Variants in GRIK2 observed in about 807,000 individuals in gnomAD.
GRIK2 encodes glutamate ionotropic receptor kainate type subunit 2, also known as glutamate receptor ionotropic, kainate 2.
A neutral mutation model predicts 100.3 loss-of-function variants in GRIK2; 32 were observed. That is an observed-to-expected ratio of 0.32 (90% CI 0.24 to 0.43). The LOEUF is 0.43. GRIK2 is among the 20% of genes least tolerant of loss of function. The pLI, the probability that GRIK2 is intolerant of heterozygous loss-of-function variation, is 1.00. For synonymous variants in GRIK2, 417 were observed against 389.4 expected (o/e 1.07, Z -0.83); for missense variants, 843 against 1,114.9 (o/e 0.76, Z 3.47).
intron 12 of GRIK2, among the ~76,000 whole-genome samples, chr6:101,898,904 A>G (rs954917588): frequency 6.6e-6 from 1 of 151,974 alleles, no homozygotes; most frequent in African/African-American, 2.4e-5. Context: ...TATGCACTCT[A>G]TCCAAATAAT....
At chr6:102,011,771 A>G (rs1229810804) in intron 14 of GRIK2, among the ~76,000 whole-genome samples, 1 of 151,758 alleles carries the variant, frequency 6.6e-6, no homozygotes, top group African/African-American at 2.4e-5. Flanking sequence ...TATTTTTACT[A>G]GAGACGGGGT....
intron 7 of GRIK2, among the ~76,000 whole-genome samples, chr6:101,717,979 T>C (rs1395743179): frequency 6.6e-6 from 1 of 151,948 alleles, no homozygotes; most frequent in Admixed American, 6.6e-5. Context: ...TTCTTCTTAA[T>C]AATGAAAACA....
chr6:101,891,906 C>G lies in GRIK2; in HGVS notation c.1748+2043C>G, dbSNP rs1273299316. ...TGCATCTTTTTTATAGTGACAGACA[C>G]AGCCACTCTAGTTTATGTGTTCAGA... is the stretch of plus-strand genomic sequence containing the variant. On this transcript the variant is annotated intron_variant, in intron 12 of 16. Transcript: ENST00000369134. Among the ~76,000 whole-genome samples, 4 of 152,248 alleles carry G rather than the reference C, an allele frequency of 2.6e-5. No homozygotes were observed. In the East Asian group the frequency reaches 5.8e-4, roughly 22 times the overall value.
chr6:101,614,710 T>G (rs1457564794), intron 2 of GRIK2, among the ~76,000 whole-genome samples: 1 of 151,762 alleles, frequency 6.6e-6, no homozygotes, highest in African/African-American at 2.4e-5. Context: ...TAACATTTGA[T>G]GGAGAAAATC....
At position 102,064,963 on chromosome 6, in the gene GRIK2, G is replaced by A. The variant is rs531035208; in HGVS notation, c.2563-3384G>A. On this transcript the variant is annotated intron_variant, in intron 16 of 16. Transcript: ENST00000369134. ...TCTACAAATGAGAAAAGAACCTATC[G>A]TCTCACAGTAACTTTATCAATAACC... Among the ~76,000 whole-genome samples the A allele has an allele frequency of 7.3e-5, 11 of 151,178 alleles. No homozygotes were observed. The South Asian group carries it at 8.3e-4, about 11-fold the overall frequency.
intron 2 of GRIK2, chr6:101,431,002 G>T: frequency 3.8e-6 from 1 of 261,906 alleles, no homozygotes; most frequent in South Asian, 5.5e-5. Flanking sequence ...CAGAGTCCAT[G>T]ACAATACTAG....
At chr6:101,608,294 C>T (rs991427552) in intron 2 of GRIK2, among the ~76,000 whole-genome samples, 8 of 151,754 alleles carry the variant, frequency 5.3e-5, no homozygotes, top group African/African-American at 1.9e-4. Context: ...ATAAATTTAA[C>T]CATGCATTTT....
chr6:101,752,761 G>A (rs1053230156), intron 7 of GRIK2, among the ~76,000 whole-genome samples: 3 of 152,128 alleles, frequency 2.0e-5, no homozygotes, highest in Admixed American at 6.5e-5. Context: ...TGTTGTAACT[G>A]TAATAAATAT....
chr6:101,584,966 G>C (rs2128304359), intron 2 of GRIK2, among the ~76,000 whole-genome samples: 1 of 151,998 alleles, frequency 6.6e-6, no homozygotes, highest in South Asian at 2.1e-4. Context: ...ACATATAAGA[G>C]AATTCTCGTT....
At chr6:101,528,776 TTATGA>T (rs1775277926) in intron 2 of GRIK2, among the ~76,000 whole-genome samples, 1 of 152,220 alleles carries the variant, frequency 6.6e-6, no homozygotes, top group Non-Finnish European at 1.5e-5. Flanking sequence ...TGCTTCCTAA[TTATGA>T]TATGTCCAGA....
At chr6:102,022,565 A>G (rs1421197920) in intron 14 of GRIK2, among the ~76,000 whole-genome samples, 1 of 151,748 alleles carries the variant, frequency 6.6e-6, no homozygotes, top group African/African-American at 2.4e-5. Flanking sequence ...TGCAAAAGAA[A>G]TTGGATACAT....
At chr6:101,659,700 T>C (rs942443717) in intron 4 of GRIK2, among the ~76,000 whole-genome samples, 1 of 152,210 alleles carries the variant, frequency 6.6e-6, no homozygotes, top group African/African-American at 2.4e-5. Context: ...TGCTTGTCTG[T>C]AAAGGATTTT....
At chr6:101,774,627 A>G (rs912719646) in intron 7 of GRIK2, among the ~76,000 whole-genome samples, 27 of 152,186 alleles carry the variant, frequency 1.8e-4, no homozygotes, top group African/African-American at 4.8e-5. Context: ...GGTAAGAATA[A>G]TTACATTAGT....
intron 2 of GRIK2, among the ~76,000 whole-genome samples, chr6:101,561,640 A>G (rs1245902862): frequency 6.6e-6 from 1 of 152,076 alleles, no homozygotes; most frequent in Non-Finnish European, 1.5e-5. Flanking sequence ...TTATATATCA[A>G]TAAAAATACA....
chr6:101,742,400 AAG>A (rs1244818311), intron 7 of GRIK2, among the ~76,000 whole-genome samples: 1 of 152,090 alleles, frequency 6.6e-6, no homozygotes, highest in Non-Finnish European at 1.5e-5. Flanking sequence ...TGTCAACAAA[AAG>A]AGTCAGACTC....
intron 12 of GRIK2, among the ~76,000 whole-genome samples, chr6:101,920,644 G>C (rs1789427172): frequency 6.6e-6 from 1 of 151,694 alleles, no homozygotes; most frequent in African/African-American, 2.4e-5. Flanking sequence ...GATGGGTGTA[G>C]GATTTGAATA....
At chr6:101,788,373 C>A (rs1046483573) in intron 7 of GRIK2, among the ~76,000 whole-genome samples, 8 of 151,524 alleles carry the variant, frequency 5.3e-5, no homozygotes, top group African/African-American at 1.9e-4. Context: ...CCCCACCCCA[C>A]AATAGTACCC....
In GRIK2 at chr6:101,605,834, T is replaced by C. The variant is rs552342380; in HGVS notation, c.116-16115T>C. 2.4e-4 allele frequency among the ~76,000 whole-genome samples: 37 copies of C among 152,148 alleles called. No homozygotes were observed. The South Asian group carries it at 7.5e-3, about 31-fold the overall frequency. ...TTTTTCTAACCTTGAATAAAAGCCA[T>C]AGAGAATTACTTTGTAGAGAGCAAC... On this transcript the variant is annotated intron_variant, in intron 2 of 16. Coordinates refer to ENST00000369134, the MANE Select transcript of GRIK2 (RefSeq NM_021956.5).
intron 2 of GRIK2, among the ~76,000 whole-genome samples, chr6:101,463,935 G>A (rs1292058952): frequency 6.6e-6 from 1 of 152,106 alleles, no homozygotes; most frequent in Non-Finnish European, 1.5e-5. Context: ...GTCTGCGAGG[G>A]TGGATTATAA....
Sources: gnomAD v4.1 joint callset for allele counts (sites outside exome capture counted in the v4.1 genomes callset) on GRCh38, gnomAD v4.1.1 for gene constraint, MANE v1.5 for transcripts, NCBI Gene and HGNC (gene_info 2026-07-23, HGNC 2026-07-21) for gene names.